GCNT1: variants seen among roughly 807,000 people sequenced by gnomAD.
The protein encoded by GCNT1 is glucosaminyl (N-acetyl) transferase 1.
In GCNT1, 16 loss-of-function variants were observed where a neutral mutation model predicts 26.2. The observed-to-expected ratio is 0.61, with a 90% CI of 0.41 to 0.93. GCNT1 has a LOEUF of 0.93. Among genes scored for constraint, GCNT1 ranks in the 40% least tolerant of loss-of-function variants. The probability of loss-of-function intolerance (pLI) is 0.00; values close to 1 mark genes in which losing one functional copy is unlikely to be tolerated. For missense variants in GCNT1, 477 were observed against 526.7 expected, an observed-to-expected ratio of 0.91 and a Z score of 0.92; for synonymous variants, 183 against 190.8, an observed-to-expected ratio of 0.96 and a Z score of 0.34.
upstream of GCNT1, among the ~76,000 whole-genome samples, chr9:76,440,671 A>G (rs1275619741): frequency 2.6e-5 from 4 of 152,194 alleles, no homozygotes; most frequent in Admixed American, 6.5e-5. Context: ...CTGGGTCCAG[A>G]AAGTGGCTCA....
In GCNT1 at chr9:76,503,653, G is replaced by A; in HGVS notation, c.1272G>A (p.Glu424=). 6 of 1,613,404 alleles carry A rather than the reference G, an allele frequency of 3.7e-6. No individual in the cohort carries two copies. Among genetic ancestry groups the A allele is most frequent in the Non-Finnish European group, 5.1e-6 (6 of 1,179,638 alleles). The stretch of plus-strand genomic sequence containing the variant: ...AGCATTTGAGACACAAAGCTTTGGA[G>A]ACATTAAAACACTGACCATTACGGG... ...LDEHLRHKAL[E]TLKH is the part of the protein sequence containing the mutation. Residue 424 remains glutamate, a synonymous_variant, in exon 4 of 4, where the codon GAG becomes GAA. Transcript: ENST00000376730.
chr9:76,450,982 T>G (rs1823656552), intron 1 of GCNT1, among the ~76,000 whole-genome samples: 1 of 152,204 alleles, frequency 6.6e-6, no homozygotes, highest in African/African-American at 2.4e-5. Context: ...TTAAAGAACT[T>G]ACATGTATGG....
intron 2 of GCNT1, among the ~76,000 whole-genome samples, chr9:76,491,142 C>A (rs1469242305): frequency 2.6e-5 from 4 of 151,156 alleles, no homozygotes. Flanking sequence ...TTTTTGACTC[C>A]CTCTTTGTCT....
rs201060401 is a variant in GCNT1 at position 76,503,380 on chromosome 9, G to A, written c.999G>A (p.Pro333=). ...CCATCCAAAGGATTCCTGAAGTCCC[G>A]GGCTCACTCCCTGCCAGCCATAAGT... ...WATIQRIPEV[P]GSLPASHKYD... is the part of the protein sequence containing the mutation. The change falls in exon 4 of 4, where the codon CCG becomes CCA. Residue 333 remains proline (P), a synonymous_variant. Coordinates refer to ENST00000376730, the MANE Select transcript of GCNT1 (RefSeq NM_001490.5). The A allele has an allele frequency of 4.8e-5, 78 of 1,614,092 alleles. No homozygotes were observed. Among genetic ancestry groups the A allele is most frequent in the Admixed American group, 8.3e-5 (5 of 60,006 alleles).
chr9:76,407,673 T>A, the GCNT1 span, among the ~76,000 whole-genome samples: 1 of 152,228 alleles, frequency 6.6e-6, no homozygotes, highest in Non-Finnish European at 1.5e-5. Flanking sequence ...GGAATTTGGT[T>A]GGTATTCTGT....
At chr9:76,462,807 CT>C (rs796985114) in intron 2 of GCNT1, among the ~76,000 whole-genome samples, 1 of 151,216 alleles carries the variant, frequency 6.6e-6, no homozygotes, top group Non-Finnish European at 1.5e-5. Flanking sequence ...CTGCCAGTTT[CT>C]TTTTTTTTCT....
intron 1 of GCNT1, among the ~76,000 whole-genome samples, chr9:76,453,946 A>G (rs1176496693): frequency 1.3e-5 from 2 of 152,216 alleles, no homozygotes; most frequent in African/African-American, 4.8e-5. Context: ...TAGAAGGATT[A>G]TTGCAATAGA....
At chr9:76,428,824 C>G (rs893665120) in intron 1 of GCNT1, among the ~76,000 whole-genome samples, 3 of 151,800 alleles carry the variant, frequency 2.0e-5, no homozygotes, top group African/African-American at 7.3e-5. Flanking sequence ...CCTCAGCCTC[C>G]TGAGTAGCTG....
chr9:76,506,160 C>G lies in GCNT1; in HGVS notation c.*2492C>G, dbSNP rs1381558760. On this transcript the variant is annotated 3_prime_UTR_variant, in exon 4 of 4. Coordinates refer to ENST00000376730, the MANE Select transcript of GCNT1 (RefSeq NM_001490.5). ...TGATACATGCAGGAGAAGCAAAACC[C>G]AAGTGATTGGTGAGAAATATAGAAA... The G allele has an allele frequency of 6.0e-6, 1 of 166,988 alleles. No individual in the cohort carries two copies. The highest frequency in any genetic ancestry group is 1.5e-5 in the Non-Finnish European group (1 of 68,114). The allele number at this position is 166,988 out of a possible 1,614,324, so 10.3% of individuals were successfully genotyped here. A position where few individuals can be genotyped will look rare whatever the true frequency, so the allele number is the denominator to read the frequency against.
intron 1 of GCNT1, among the ~76,000 whole-genome samples, chr9:76,433,509 C>T (rs898421317): frequency 1.3e-5 from 2 of 152,206 alleles, no homozygotes; most frequent in African/African-American, 4.8e-5. Context: ...GGGCCAGCCA[C>T]TAGCCCCACA....
chr9:76,498,557 G>C (rs886716062), intron 2 of GCNT1, among the ~76,000 whole-genome samples: 5 of 152,102 alleles, frequency 3.3e-5, no homozygotes, highest in African/African-American at 1.2e-4. Flanking sequence ...CAGATCACCT[G>C]AGGTCAGGAG....
intron 2 of GCNT1, among the ~76,000 whole-genome samples, chr9:76,492,700 G>A (rs571022168): frequency 1.5e-4 from 22 of 151,422 alleles, no homozygotes; most frequent in East Asian, 7.8e-4. Context: ...CTTGTTTCTC[G>A]TTGGACAATC....
At chr9:76,462,887 T>A (rs1404187183) in intron 2 of GCNT1, among the ~76,000 whole-genome samples, 1 of 152,214 alleles carries the variant, frequency 6.6e-6, no homozygotes, top group Non-Finnish European at 1.5e-5. Flanking sequence ...TTCAGTGTAT[T>A]TGTTAAATTT....
intron 2 of GCNT1, among the ~76,000 whole-genome samples, chr9:76,463,382 T>A (rs1218987353): frequency 6.6e-6 from 1 of 152,210 alleles, no homozygotes; most frequent in African/African-American, 2.4e-5. Context: ...GTGAAACTCT[T>A]TATTCATAGC....
At chr9:76,493,022 C>T (rs749838470) in intron 2 of GCNT1, among the ~76,000 whole-genome samples, 17 of 152,138 alleles carry the variant, frequency 1.1e-4, no homozygotes, top group Admixed American at 3.3e-4. Context: ...AATTGACCCT[C>T]GAGGGAGTCG....
chr9:76,430,483 G>T (rs1337859768), intron 1 of GCNT1, among the ~76,000 whole-genome samples: 2 of 152,008 alleles, frequency 1.3e-5, no homozygotes, highest in Non-Finnish European at 2.9e-5. Context: ...GGGGGCTCAA[G>T]TGATCCTTCC....
chr9:76,451,510 C>T (rs936125263), intron 1 of GCNT1, among the ~76,000 whole-genome samples: 1 of 152,174 alleles, frequency 6.6e-6, no homozygotes, highest in Non-Finnish European at 1.5e-5. Flanking sequence ...GCTGAAGCAT[C>T]TGTTGAAAGG....
chr9:76,425,010 G>A (rs1475580128), intron 1 of GCNT1, among the ~76,000 whole-genome samples: 1 of 151,586 alleles, frequency 6.6e-6, no homozygotes, highest in African/African-American at 2.4e-5. Flanking sequence ...GTGGTATCAC[G>A]CGCCTGTAGT....
At chr9:76,409,393 G>C in the GCNT1 span, among the ~76,000 whole-genome samples, 1 of 151,946 alleles carries the variant, frequency 6.6e-6, no homozygotes, top group African/African-American at 2.4e-5. Flanking sequence ...AACTGCATCT[G>C]GTTTCATTTA....
Sources: allele counts gnomAD v4.1 joint callset (sites outside exome capture counted in the v4.1 genomes callset), GRCh38; gene constraint gnomAD v4.1.1; transcripts MANE v1.5; gene names NCBI Gene and HGNC (gene_info 2026-07-23, HGNC 2026-07-21).